ARMC9: variants seen among roughly 807,000 people sequenced by gnomAD.
ARMC9 encodes armadillo repeat containing 9.
A neutral mutation model predicts 107.0 loss-of-function variants in ARMC9; 94 were observed. The observed-to-expected ratio is 0.88, with a 90% CI of 0.74 to 1.04. The LOEUF (loss-of-function observed/expected upper bound fraction) is 1.04. ARMC9 is among the 50% of genes least tolerant of loss of function. The pLI is 0.00. For missense variants in ARMC9, 942 were observed against 1,030.1 expected (o/e 0.91, Z 1.17); for synonymous variants, 380 against 396.9 (o/e 0.96, Z 0.51).
intron 7 of ARMC9, among the ~76,000 whole-genome samples, chr2:231,231,486 C>T (rs866452794): frequency 1.3e-4 from 20 of 152,022 alleles, no homozygotes; most frequent in African/African-American, 3.9e-4. Flanking sequence ...TGGGTTCATG[C>T]GATTCTAGTG....
chr2:231,240,576 A>T (rs1354867345), intron 9 of ARMC9, among the ~76,000 whole-genome samples: 3 of 152,216 alleles, frequency 2.0e-5, no homozygotes, highest in Non-Finnish European at 4.4e-5. Flanking sequence ...TTGAGGATAA[A>T]TTATATATAT....
In ARMC9 at chr2:231,345,018, A is replaced by G. The variant is rs1303568167; in HGVS notation, c.1922A>G (p.Asn641Ser). The change falls in exon 21 of 25, where the codon AAT (asparagine) becomes AGT (serine). Residue 641 changes from asparagine to serine, a missense_variant. By Grantham distance (46) the Asn-to-Ser change is conservative (BLOSUM62 1). Transcript: ENST00000611582. ...TGKTRRKGLA[N>S]VQWSGDEPLQ... ...AAGACAAGGCGGAAGGGGCTGGCTA[A>G]TGTGCAGTGGAGCGGGGATGAGCCC... is the stretch of plus-strand genomic sequence containing the variant. The G allele has an allele frequency of 1.2e-6, 2 of 1,613,978 alleles. No individual in the cohort carries two copies. The highest frequency in any genetic ancestry group is 1.7e-6 in the Non-Finnish European group (2 of 1,180,014).
chr2:231,271,830 G>C (rs924456096), intron 13 of ARMC9, among the ~76,000 whole-genome samples: 1 of 152,122 alleles, frequency 6.6e-6, no homozygotes, highest in Non-Finnish European at 1.5e-5. Flanking sequence ...ACCATTCTGG[G>C]CTTATTACAG....
At chr2:231,284,861 GA>G (rs1325263854) in intron 17 of ARMC9, among the ~76,000 whole-genome samples, 3 of 152,116 alleles carry the variant, frequency 2.0e-5, no homozygotes, top group Non-Finnish European at 2.9e-5. Context: ...CTATTCTTTT[GA>G]AAAATATTAC....
intron 12 of ARMC9, 43 bp from the exon 13 acceptor site, chr2:231,270,923 GCGTGTGTTTATCTCTC>G: frequency 7.0e-7 from 1 of 1,430,876 alleles, no homozygotes; most frequent in Non-Finnish European, 9.8e-7. Context: ...CGAAGAGGAG[GCGTGTGTTTATCTCTC>G]CGTGTTCTTA....
chr2:231,286,553 GCA>G, intron 17 of ARMC9, among the ~76,000 whole-genome samples: 1 of 152,282 alleles, frequency 6.6e-6, no homozygotes, highest in South Asian at 2.1e-4. Flanking sequence ...AGAGCTCTAT[GCA>G]TGACAATGCT....
intron 6 of ARMC9, among the ~76,000 whole-genome samples, chr2:231,225,617 G>T (rs1405572918): frequency 6.6e-6 from 1 of 152,184 alleles, no homozygotes; most frequent in Non-Finnish European, 1.5e-5. Context: ...AAAGAAGCCA[G>T]TGGCAGGGAC....
chr2:231,265,467 C>T (rs961498952), intron 12 of ARMC9, among the ~76,000 whole-genome samples: 2 of 152,018 alleles, frequency 1.3e-5, no homozygotes, highest in African/African-American at 4.8e-5. Flanking sequence ...GAGCTGGAGG[C>T]CTTATTCTAA....
intron 1 of ARMC9, among the ~76,000 whole-genome samples, chr2:231,203,641 C>G (rs1484523882): frequency 6.6e-6 from 1 of 152,046 alleles, no homozygotes; most frequent in Non-Finnish European, 1.5e-5. Context: ...CAAGACCAGC[C>G]TGAGCAATGG....
intron 16 of ARMC9, among the ~76,000 whole-genome samples, chr2:231,280,727 T>G (rs1235391130): frequency 6.6e-6 from 1 of 152,146 alleles, no homozygotes; most frequent in Non-Finnish European, 1.5e-5. Flanking sequence ...TTGCATCACA[T>G]GTGACAAAAG....
chr2:231,272,708 G>A (rs2039444599), intron 13 of ARMC9, among the ~76,000 whole-genome samples: 1 of 151,790 alleles, frequency 6.6e-6, no homozygotes, highest in Admixed American at 6.6e-5. Flanking sequence ...TAGAGACGGG[G>A]TTTCACCATG....
intron 9 of ARMC9, chr2:231,256,225 C>T: frequency 1.3e-6 from 2 of 1,536,304 alleles, no homozygotes; most frequent in Admixed American, 3.9e-5. Context: ...GATCCATCAT[C>T]CGCAATGTAA....
intron 23 of ARMC9, among the ~76,000 whole-genome samples, chr2:231,364,445 T>C (rs1023558347): frequency 1.3e-5 from 2 of 152,226 alleles, no homozygotes; most frequent in East Asian, 1.9e-4. Context: ...TCTACATGTA[T>C]GCCTTTCCCC....
chr2:231,268,442 T>C (rs1426323253), intron 12 of ARMC9, among the ~76,000 whole-genome samples: 2 of 152,200 alleles, frequency 1.3e-5, no homozygotes, highest in Admixed American at 1.3e-4. Context: ...GGGTTTAGTC[T>C]GGAAAACATT....
intron 17 of ARMC9, among the ~76,000 whole-genome samples, chr2:231,285,848 C>T (rs1168836451): frequency 1.3e-5 from 2 of 152,162 alleles, no homozygotes; most frequent in Admixed American, 6.5e-5. Flanking sequence ...TCCCTCCTTT[C>T]GTGTTTATCC....
chr2:231,323,589 C>T (rs1301103233), intron 19 of ARMC9, among the ~76,000 whole-genome samples: 1 of 152,166 alleles, frequency 6.6e-6, no homozygotes, highest in Non-Finnish European at 1.5e-5. Flanking sequence ...CCCTTTTCGC[C>T]GGTTTCAGTG....
chr2:231,350,847 A>G (rs1302145642), intron 21 of ARMC9, among the ~76,000 whole-genome samples: 1 of 150,462 alleles, frequency 6.6e-6, no homozygotes, highest in African/African-American at 2.4e-5. Flanking sequence ...AGGGCTTGAG[A>G]AACTCTGTAC....
intron 22 of ARMC9, among the ~76,000 whole-genome samples, chr2:231,356,438 T>C (rs909818450): frequency 2.0e-5 from 3 of 152,354 alleles, no homozygotes; most frequent in East Asian, 3.9e-4. Context: ...AGAAAAAATA[T>C]ATATACTTTG....
At chr2:231,324,719 G>C (rs1318637326) in intron 19 of ARMC9, among the ~76,000 whole-genome samples, 1 of 151,492 alleles carries the variant, frequency 6.6e-6, no homozygotes, top group East Asian at 2.0e-4. Flanking sequence ...ACTCAGCCTG[G>C]GCAACAAAAG....
Sources: gnomAD v4.1 joint callset for allele counts (sites outside exome capture counted in the v4.1 genomes callset) on GRCh38, gnomAD v4.1.1 for gene constraint, MANE v1.5 for transcripts, NCBI Gene and HGNC (gene_info 2026-07-23, HGNC 2026-07-21) for gene names.